Variants in TMEM232 observed in about 807,000 individuals in gnomAD.
TMEM232 encodes transmembrane protein 232.
Under a neutral mutation model 78.8 loss-of-function variants are expected in TMEM232, and 80 were observed. The observed-to-expected ratio is 1.01, with a 90% CI of 0.85 to 1.22. TMEM232 has a LOEUF of 1.22. Among genes scored for constraint, TMEM232 ranks in the 50% most tolerant of loss-of-function variants. The probability of loss-of-function intolerance (pLI) is 0.00; values close to 1 mark genes in which losing one functional copy is unlikely to be tolerated. For synonymous variants in TMEM232, 297 were observed against 254.3 expected (o/e 1.17, Z -1.60); for missense variants, 881 against 742.2 (o/e 1.19, Z -2.17).
rs1233545871 is a variant in TMEM232, at chr5:110,419,666, T to C, written c.*914A>G. ...CCGGCTTCACTAATTTATGTTACCT[T>C]TCTGACCTGGTAGTCATTTGAGTTT... On this transcript the variant is annotated 3_prime_UTR_variant, in exon 14 of 14. Coordinates refer to ENST00000455884, the MANE Select transcript of TMEM232 (RefSeq NM_001039763.4). Among the ~76,000 whole-genome samples, 4 of 152,120 alleles carry C rather than the reference T, an allele frequency of 2.6e-5. No individual in the cohort carries two copies. The highest frequency in any genetic ancestry group is 5.9e-5 in the Non-Finnish European group (4 of 67,978).
intron 12 of TMEM232, among the ~76,000 whole-genome samples, chr5:110,495,188 A>C (rs1281886719): frequency 6.6e-6 from 1 of 151,596 alleles, no homozygotes; most frequent in Non-Finnish European, 1.5e-5. Flanking sequence ...TGCAGCAAAT[A>C]AAAGGAGAGA....
intron 2 of TMEM232, among the ~76,000 whole-genome samples, chr5:110,660,799 C>T (rs1206591363): frequency 6.6e-6 from 1 of 151,988 alleles, no homozygotes; most frequent in Non-Finnish European, 1.5e-5. Flanking sequence ...TTATAATATC[C>T]ATCAATCACC....
In TMEM232 at chr5:110,444,749, G is replaced by C. The variant is rs899303790; in HGVS notation, c.1704-19833C>G. Reference sequence around the variant, plus strand: ...TAAAATTTATTTTTGAGCACAATTTGGACCATTTAAATGTGTAAATTTGTA... The same window carrying C: ...TAAAATTTATTTTTGAGCACAATTTCGACCATTTAAATGTGTAAATTTGTA... On this transcript the variant is annotated intron_variant, in intron 12 of 13. Transcript: ENST00000455884. Among the ~76,000 whole-genome samples, 10 of 152,176 alleles carry C rather than the reference G, an allele frequency of 6.6e-5. 1 individual carries two copies. The East Asian group carries it at 7.7e-4, about 12-fold the overall frequency.
chr5:110,673,561 T>C (rs1791637846), intron 1 of TMEM232, among the ~76,000 whole-genome samples: 1 of 152,140 alleles, frequency 6.6e-6, no homozygotes, highest in African/African-American at 2.4e-5. Context: ...AAAACTGATG[T>C]AAAAACATTT....
chr5:110,406,282 AC>A (rs1755789497), intron 2 of TMEM232, among the ~76,000 whole-genome samples: 1 of 151,364 alleles, frequency 6.6e-6, no homozygotes, highest in Non-Finnish European at 1.5e-5. Context: ...ACACACACAC[AC>A]ACACACACAC....
upstream of TMEM232, among the ~76,000 whole-genome samples, chr5:110,730,864 A>G (rs1384803480): frequency 6.6e-6 from 1 of 152,136 alleles, no homozygotes; most frequent in African/African-American, 2.4e-5. Context: ...TCATGTCCTC[A>G]CATTTAAAAA....
intron 2 of TMEM232, among the ~76,000 whole-genome samples, chr5:110,646,490 A>G (rs1167730623): frequency 3.3e-5 from 5 of 151,804 alleles, no homozygotes; most frequent in Non-Finnish European, 7.4e-5. Flanking sequence ...CAGTCTCTGA[A>G]TATCTACATG....
chr5:110,653,347 T>C (rs932689701), intron 2 of TMEM232, among the ~76,000 whole-genome samples: 6 of 152,316 alleles, frequency 3.9e-5, no homozygotes, highest in Admixed American at 3.9e-4. Context: ...TGCAGAATTT[T>C]GGAAAGCATC....
At chr5:110,671,594 G>T (rs1174595352) in intron 1 of TMEM232, among the ~76,000 whole-genome samples, 5 of 152,172 alleles carry the variant, frequency 3.3e-5, no homozygotes, top group Admixed American at 2.6e-4. Context: ...CATGTCCTTT[G>T]CAGGGACATG....
intron 12 of TMEM232, among the ~76,000 whole-genome samples, chr5:110,425,337 G>A (rs1259434347): frequency 6.6e-6 from 1 of 152,098 alleles, no homozygotes; most frequent in African/African-American, 2.4e-5. Context: ...TACAAAGCTG[G>A]ACCTCAAACT....
intron 12 of TMEM232, among the ~76,000 whole-genome samples, chr5:110,509,187 T>A (rs189138063): frequency 2.6e-5 from 4 of 151,704 alleles, no homozygotes; most frequent in African/African-American, 9.7e-5. Flanking sequence ...TCCAAGACTT[T>A]GGGAGGCTGA....
At chr5:110,595,554 G>A (rs1350771483) in intron 10 of TMEM232, among the ~76,000 whole-genome samples, 1 of 152,116 alleles carries the variant, frequency 6.6e-6, no homozygotes, top group Admixed American at 6.5e-5. Flanking sequence ...CTGCTAACTA[G>A]AATATCCAGT....
intron 12 of TMEM232, among the ~76,000 whole-genome samples, chr5:110,454,322 A>G (rs1255635320): frequency 6.6e-6 from 1 of 152,144 alleles, no homozygotes; most frequent in Non-Finnish European, 1.5e-5. Flanking sequence ...GACCATAAAA[A>G]AATATTAAAC....
At chr5:110,569,711 C>A (rs932351016) in intron 10 of TMEM232, among the ~76,000 whole-genome samples, 1 of 151,818 alleles carries the variant, frequency 6.6e-6, no homozygotes, top group African/African-American at 2.4e-5. Flanking sequence ...AGGTTAATAA[C>A]AATCATTATT....
At chr5:110,682,030 T>C (rs1355150384) in intron 1 of TMEM232, among the ~76,000 whole-genome samples, 3 of 152,222 alleles carry the variant, frequency 2.0e-5, no homozygotes, top group South Asian at 2.1e-4. Context: ...CTTCTTCTGC[T>C]ATTAAGACAC....
intron 2 of TMEM232, among the ~76,000 whole-genome samples, chr5:110,664,427 A>G (rs1313838158): frequency 6.6e-6 from 1 of 152,228 alleles, no homozygotes; most frequent in Admixed American, 6.5e-5. Context: ...ATATTCACGT[A>G]TATTAAAGTA....
chr5:110,693,208 C>G (rs1794350578), intron 1 of TMEM232, among the ~76,000 whole-genome samples: 1 of 152,270 alleles, frequency 6.6e-6, no homozygotes, highest in South Asian at 2.1e-4. Flanking sequence ...TGGAATGGAC[C>G]TCCAGCAAAC....
chr5:110,714,441 T>G (rs567525450), intron 1 of TMEM232, among the ~76,000 whole-genome samples: 2 of 152,324 alleles, frequency 1.3e-5, no homozygotes, highest in South Asian at 4.1e-4. Flanking sequence ...AATAGAACTG[T>G]GCCTTGTATA....
intron 3 of TMEM232, 24 bp from the exon 4 acceptor site, chr5:110,641,020 G>A (rs1040030103): frequency 7.0e-6 from 10 of 1,418,924 alleles, no homozygotes; most frequent in African/African-American, 1.5e-5. Flanking sequence ...GCATGAAAAA[G>A]ACAAATCAAA....
Sources: allele counts gnomAD v4.1 joint callset (sites outside exome capture counted in the v4.1 genomes callset), GRCh38; gene constraint gnomAD v4.1.1; transcripts MANE v1.5; gene names NCBI Gene and HGNC (gene_info 2026-07-23, HGNC 2026-07-21).